The following DENND1A variants were observed in gnomAD, a reference collection of about 807,000 sequenced individuals.
DENND1A encodes the protein DENN domain-containing protein 1A.
DENND1A carries 51 observed loss-of-function variants against 113.7 expected under a neutral mutation model. The ratio of observed to expected loss-of-function variants is 0.45; its 90% CI spans 0.36 to 0.57. The LOEUF is 0.57. Among genes scored for constraint, DENND1A ranks in the 20% least tolerant of loss-of-function variants. The pLI is 0.00. For synonymous variants in DENND1A, 565 were observed against 570.8 expected, an observed-to-expected ratio of 0.99 and a Z score of 0.14; for missense variants, 1,258 against 1,395.9, an observed-to-expected ratio of 0.90 and a Z score of 1.57.
At chr9:123,710,370 GGC>G (rs1298271995) in intron 5 of DENND1A, among the ~76,000 whole-genome samples, 2 of 152,142 alleles carry the variant, frequency 1.3e-5, no homozygotes, top group Non-Finnish European at 2.9e-5. Flanking sequence ...TTTAGTTACA[GGC>G]AACAATCAAC....
chr9:123,566,823 C>G (rs2058077311), intron 12 of DENND1A, among the ~76,000 whole-genome samples: 1 of 151,822 alleles, frequency 6.6e-6, no homozygotes, highest in South Asian at 2.1e-4. Context: ...TATTTGTAAA[C>G]CTTACCTTCC....
In DENND1A at chr9:123,382,081, G is replaced by C; in HGVS notation, c.2564C>G (p.Ser855Ter). 1 of 1,524,882 alleles carries C rather than the reference G, an allele frequency of 6.6e-7. No individual in the cohort carries two copies. The highest frequency in any genetic ancestry group is 8.8e-7 in the Non-Finnish European group (1 of 1,138,020). The allele number at this position is 1,524,882 out of a possible 1,614,324, so 94.5% of individuals were successfully genotyped here. ...GGGGCGTGACGGGAGGGTGCTGCCT[G>C]ACCAGGCTGTGCTGAGCGGGTCCAG... ...ALLDPLSTAW[S>*]GSTLPSRPAT... The change falls in exon 24 of 24, where the codon TCA (serine) becomes TGA (stop). Residue 855 changes from serine (S) to a stop codon, truncating the protein, a stop_gained. Coordinates refer to ENST00000394215, the MANE Select transcript of DENND1A (RefSeq NM_001352964.2). LOFTEE classifies it high-confidence loss of function.
At chr9:123,620,892 T>C (rs1047619916) in intron 10 of DENND1A, among the ~76,000 whole-genome samples, 23 of 152,186 alleles carry the variant, frequency 1.5e-4, no homozygotes, top group African/African-American at 5.6e-4. Flanking sequence ...ACTGGATGCT[T>C]GAGTTCGTTG....
intron 3 of DENND1A, among the ~76,000 whole-genome samples, chr9:123,781,384 T>A (rs1028749334): frequency 6.6e-6 from 1 of 152,194 alleles, no homozygotes; most frequent in Non-Finnish European, 1.5e-5. Flanking sequence ...TTGTTTCATC[T>A]GCCTTGTGAT....
chr9:123,860,382 A>C (rs1044621435), intron 2 of DENND1A, among the ~76,000 whole-genome samples: 2 of 152,166 alleles, frequency 1.3e-5, no homozygotes, highest in African/African-American at 2.4e-5. Flanking sequence ...TTTTAATCTG[A>C]ATGATTCCCA....
intron 2 of DENND1A, among the ~76,000 whole-genome samples, chr9:123,847,795 C>T (rs927698037): frequency 6.6e-6 from 1 of 152,088 alleles, no homozygotes; most frequent in Non-Finnish European, 1.5e-5. Context: ...ATTAGCTGGG[C>T]GTGGTGGCAT....
chr9:123,729,837 C>T (rs1236858050), intron 5 of DENND1A, among the ~76,000 whole-genome samples: 4 of 152,176 alleles, frequency 2.6e-5, no homozygotes, highest in African/African-American at 9.7e-5. Context: ...CTGGAGGGAT[C>T]GCACTACCTG....
intron 13 of DENND1A, among the ~76,000 whole-genome samples, chr9:123,478,365 C>T (rs2050080813): frequency 6.6e-6 from 1 of 152,232 alleles, no homozygotes; most frequent in Non-Finnish European, 1.5e-5. Flanking sequence ...TCACTCCCAG[C>T]CATTTCCCTG....
chr9:123,593,484 C>T (rs1209958276), intron 11 of DENND1A, among the ~76,000 whole-genome samples: 1 of 152,118 alleles, frequency 6.6e-6, no homozygotes, highest in African/African-American at 2.4e-5. Flanking sequence ...TGCAAAGACA[C>T]TTTGCTCTGA....
intron 19 of DENND1A, among the ~76,000 whole-genome samples, chr9:123,435,128 C>CAT (rs1370046856): frequency 6.9e-6 from 1 of 145,526 alleles, no homozygotes; most frequent in Non-Finnish European, 1.5e-5. Context: ...CTGGGGTGTG[C>CAT]AGTATCCTGA....
intron 19 of DENND1A, among the ~76,000 whole-genome samples, chr9:123,435,269 C>G (rs766158781): frequency 1.3e-5 from 2 of 152,166 alleles, no homozygotes; most frequent in Non-Finnish European, 2.9e-5. Flanking sequence ...GCTGAGAAGG[C>G]ATTTGCTAGC....
intron 13 of DENND1A, among the ~76,000 whole-genome samples, chr9:123,521,809 A>G (rs1388521699): frequency 6.6e-6 from 1 of 152,144 alleles, no homozygotes; most frequent in Non-Finnish European, 1.5e-5. Flanking sequence ...GTTCCATACT[A>G]AATCTCTGCC....
intron 7 of DENND1A, among the ~76,000 whole-genome samples, chr9:123,668,805 G>A (rs190441890): frequency 2.0e-5 from 3 of 152,290 alleles, no homozygotes; most frequent in Non-Finnish European, 2.9e-5. Flanking sequence ...CAGTAGAGAC[G>A]GTGTAGCGTG....
chr9:123,612,249 G>C (rs1418299981), intron 10 of DENND1A, among the ~76,000 whole-genome samples: 1 of 152,138 alleles, frequency 6.6e-6, no homozygotes, highest in Non-Finnish European at 1.5e-5. Flanking sequence ...AAGAAACCCA[G>C]AATTTCCTGA....
intron 3 of DENND1A, among the ~76,000 whole-genome samples, chr9:123,783,327 T>C (rs1831603479): frequency 6.6e-6 from 1 of 152,204 alleles, no homozygotes; most frequent in Non-Finnish European, 1.5e-5. Flanking sequence ...TAAATTTTGT[T>C]CTGAAACAGT....
intron 18 of DENND1A, 145 bp from the exon 19 acceptor site, chr9:123,440,636 G>C (rs532763836): frequency 1.8e-6 from 2 of 1,114,664 alleles, no homozygotes; most frequent in Admixed American, 3.9e-5. Flanking sequence ...GGAATGGAGG[G>C]CTAACTTGGC....
intron 1 of DENND1A, among the ~76,000 whole-genome samples, chr9:123,900,479 A>C (rs1851440790): frequency 6.6e-6 from 1 of 152,202 alleles, no homozygotes; most frequent in Non-Finnish European, 1.5e-5. Context: ...AGGAGGGTAA[A>C]GGGGATGCTC....
At position 123,529,091 on chromosome 9, in the gene DENND1A, G is replaced by T. The variant is rs187692257; in HGVS notation, c.993+28479C>A. 2.6e-5 allele frequency among the ~76,000 whole-genome samples: 4 copies of T among 152,230 alleles called. No individual in the cohort carries two copies. The East Asian group carries it at 7.7e-4, about 29-fold the overall frequency. ...TCATGTTTGTTTTCCTTATAGGCCTGTGAGTTCCCCTGTCAAATAACATAT... is the reference window on the plus strand; with the variant it reads ...TCATGTTTGTTTTCCTTATAGGCCTTTGAGTTCCCCTGTCAAATAACATAT... On this transcript the variant is annotated intron_variant, in intron 13 of 23. Transcript: ENST00000394215.
chr9:123,677,654 G>A (rs937209902), intron 5 of DENND1A, among the ~76,000 whole-genome samples: 3 of 152,152 alleles, frequency 2.0e-5, no homozygotes, highest in African/African-American at 4.8e-5. Context: ...GGCTGGTCTC[G>A]AACTCCTGAA....
Sources: allele counts gnomAD v4.1 joint callset (sites outside exome capture counted in the v4.1 genomes callset), GRCh38; gene constraint gnomAD v4.1.1; transcripts MANE v1.5; gene names NCBI Gene and HGNC (gene_info 2026-07-23, HGNC 2026-07-21).